The following MEGF10 variants were observed in gnomAD, a reference collection of about 807,000 sequenced individuals.
The protein encoded by MEGF10 is multiple EGF like domains 10, also known as multiple epidermal growth factor-like domains protein 10.
A neutral mutation model predicts 147.5 loss-of-function variants in MEGF10; 86 were observed. That is an observed-to-expected ratio of 0.58 (90% CI 0.49 to 0.70). The LOEUF (loss-of-function observed/expected upper bound fraction) is 0.70, where lower values mean the gene tolerates loss of function less well. Ranked by LOEUF, MEGF10 falls within the 30% of genes least tolerant of loss-of-function variation. The pLI, the probability that MEGF10 is intolerant of heterozygous loss-of-function variation, is 0.00. For synonymous variants in MEGF10, 478 were observed against 525.5 expected (o/e 0.91, Z 1.24); for missense variants, 1,329 against 1,487.3 (o/e 0.89, Z 1.75).
chr5:127,329,745 C>G (rs917922113), intron 1 of MEGF10, among the ~76,000 whole-genome samples: 3 of 151,772 alleles, frequency 2.0e-5, no homozygotes, highest in African/African-American at 7.3e-5. Context: ...CAGGTTGGCA[C>G]TTATTTTGTT....
At chr5:127,232,916 C>A in the MEGF10 span, among the ~76,000 whole-genome samples, 3 of 152,114 alleles carry the variant, frequency 2.0e-5, no homozygotes, top group South Asian at 6.2e-4. Flanking sequence ...GGCCTTGGAC[C>A]CCAGTAGATG....
At position 127,310,050 on chromosome 5, in the gene MEGF10, C is replaced by A. The variant is rs190105456; in HGVS notation, c.-19+18994C>A. ...TCTTTCTTTCCTTCTTTCTTTATTT[C>A]TTTCTTTCTTTCTTTCTCTCTTTCT... On this transcript the variant is annotated intron_variant, in intron 1 of 24. Coordinates refer to ENST00000503335, the MANE Select transcript of MEGF10 (RefSeq NM_001256545.2). 3.1e-4 allele frequency among the ~76,000 whole-genome samples: 38 copies of A among 120,902 alleles called. 5 individuals carry two copies. The highest frequency in any genetic ancestry group is 1.1e-3 in the East Asian group (5 of 4,492). The allele number at this position is 120,902 out of a possible 152,430, so 79.3% of individuals were successfully genotyped here.
At chr5:127,287,010 TTAAC>T (rs1195036257), upstream of MEGF10, among the ~76,000 whole-genome samples, 7 of 151,976 alleles carry the variant, frequency 4.6e-5, no homozygotes, top group African/African-American at 1.7e-4. Context: ...AGCAGTTCAG[TTAAC>T]TAACAGAAAA....
chr5:127,399,774 T>C (rs1764057311), intron 7 of MEGF10, among the ~76,000 whole-genome samples: 1 of 152,190 alleles, frequency 6.6e-6, no homozygotes, highest in Non-Finnish European at 1.5e-5. Context: ...CTTTTTCTAA[T>C]CTCCCTTCTT....
chr5:127,247,524 A>G, the MEGF10 span, among the ~76,000 whole-genome samples: 1 of 151,852 alleles, frequency 6.6e-6, no homozygotes. Flanking sequence ...CAGAAGGAAT[A>G]AAAAGCTCAT....
At chr5:127,398,974 A>G (rs1764028383) in intron 7 of MEGF10, among the ~76,000 whole-genome samples, 178 bp downstream of exon 7, 1 of 152,244 alleles carries the variant, frequency 6.6e-6, no homozygotes, top group Non-Finnish European at 1.5e-5. Flanking sequence ...CTGAGGAGAC[A>G]GAAGAAGGTG....
chr5:127,377,001 C>T (rs370437962), intron 5 of MEGF10, among the ~76,000 whole-genome samples: 1 of 152,170 alleles, frequency 6.6e-6, no homozygotes, highest in South Asian at 2.1e-4. Flanking sequence ...TGACACCGGA[C>T]GATTATGAAA....
chr5:127,255,763 G>A, the MEGF10 span, among the ~76,000 whole-genome samples: 11 of 152,068 alleles, frequency 7.2e-5, no homozygotes, highest in South Asian at 6.2e-4. Flanking sequence ...CAATGGATTC[G>A]TCTCTTTCTA....
chr5:127,307,842 C>T (rs115877481), intron 1 of MEGF10, among the ~76,000 whole-genome samples: 2,237 of 152,314 alleles, frequency 0.015, 65 homozygotes, highest in East Asian at 0.11. Flanking sequence ...CCAAGAGACC[C>T]TGATGGCACA....
At chr5:127,395,289 G>A (rs990967694) in intron 5 of MEGF10, among the ~76,000 whole-genome samples, 5 of 151,664 alleles carry the variant, frequency 3.3e-5, no homozygotes, top group Non-Finnish European at 4.4e-5. Flanking sequence ...CTTTTGTATT[G>A]CAGCCGCTCT....
intron 5 of MEGF10, among the ~76,000 whole-genome samples, chr5:127,389,661 A>G (rs1417575790): frequency 6.6e-6 from 1 of 152,208 alleles, no homozygotes; most frequent in Non-Finnish European, 1.5e-5. Flanking sequence ...TTAGCATACT[A>G]ATGCAGGAAC....
At position 127,424,236 on chromosome 5, in the gene MEGF10, T is replaced by G. The variant is rs935935864; in HGVS notation, c.1693+1464T>G. 2 of 662,708 alleles carry G rather than the reference T, an allele frequency of 3.0e-6. 1 individual carries two copies. 41.1% of individuals were successfully genotyped at this position (662,708 alleles called of 1,614,324 possible). On this transcript the variant is annotated intron_variant, in intron 13 of 24. Transcript: ENST00000503335. ...GTATTTCATTTCATTTGTCTATATA[T>G]CTCTCCTTATGCCAGCACCATACAG...
intron 4 of MEGF10, among the ~76,000 whole-genome samples, chr5:127,360,864 G>GTATATA (rs370089072): frequency 6.7e-6 from 1 of 148,976 alleles, no homozygotes; most frequent in African/African-American, 2.5e-5. Context: ...ATATGTGTGT[G>GTATATA]TATATATATA....
intron 1 of MEGF10, among the ~76,000 whole-genome samples, chr5:127,311,628 A>G (rs1760291051): frequency 6.6e-6 from 1 of 152,206 alleles, no homozygotes; most frequent in African/African-American, 2.4e-5. Context: ...AACTTGACTC[A>G]GGAATACAGA....
At chr5:127,247,446 GAAGAAGAAGAAGAA>G in the MEGF10 span, among the ~76,000 whole-genome samples, 1 of 120,444 alleles carries the variant, frequency 8.3e-6, no homozygotes, top group African/African-American at 3.7e-5. Context: ...AGAAGAAGAA[GAAGAAGAAGAAGAA>G]GAAGAAGAAG....
intron 8 of MEGF10, among the ~76,000 whole-genome samples, chr5:127,408,285 T>C (rs1764412234): frequency 6.6e-6 from 1 of 152,238 alleles, no homozygotes; most frequent in Admixed American, 6.5e-5. Flanking sequence ...AACATTTGGG[T>C]TTGTTTTCAA....
chr5:127,271,799 G>A, the MEGF10 span, among the ~76,000 whole-genome samples: 2 of 152,170 alleles, frequency 1.3e-5, no homozygotes, highest in African/African-American at 2.4e-5. Flanking sequence ...CCCCAGCCCT[G>A]TGGAACTACG....
chr5:127,266,469 T>C, the MEGF10 span, among the ~76,000 whole-genome samples: 1 of 152,180 alleles, frequency 6.6e-6, no homozygotes, highest in Non-Finnish European at 1.5e-5. Flanking sequence ...AAGTCATTGG[T>C]AGCTTGATGG....
upstream of MEGF10, among the ~76,000 whole-genome samples, chr5:127,287,454 T>C (rs1428618364): frequency 9.2e-5 from 14 of 151,904 alleles, no homozygotes; most frequent in Admixed American, 4.6e-4. Context: ...CAATGAACAA[T>C]TGGAAACAAG....
Sources: allele counts gnomAD v4.1 joint callset (sites outside exome capture counted in the v4.1 genomes callset), GRCh38; gene constraint gnomAD v4.1.1; transcripts MANE v1.5; gene names NCBI Gene and HGNC (gene_info 2026-07-23, HGNC 2026-07-21).